Variants in MYOM3 observed in about 807,000 individuals in gnomAD.
The protein encoded by MYOM3 is myomesin 3, also known as myomesin-3.
Under a neutral mutation model 191.7 loss-of-function variants are expected in MYOM3, and 155 were observed. That is an observed-to-expected ratio of 0.81 (90% confidence interval 0.71 to 0.92). MYOM3 has a LOEUF of 0.92. MYOM3 is among the 40% of genes least tolerant of loss of function. The pLI, the probability that MYOM3 is intolerant of heterozygous loss-of-function variation, is 0.00. For synonymous variants in MYOM3, 757 were observed against 762.9 expected (o/e 0.99, Z 0.13); for missense variants, 1,889 against 1,890.6 (o/e 1.00, Z 0.02).
At chr1:24,097,856 A>T in intron 7 of MYOM3, 67 bp downstream of exon 7, 1 of 1,057,090 alleles carries the variant, frequency 9.5e-7, no homozygotes. Flanking sequence ...ACGCAGACCC[A>T]TGTCCTTGTC....
chr1:24,102,532 A>G (rs1267696686), intron 5 of MYOM3, among the ~76,000 whole-genome samples: 1 of 152,206 alleles, frequency 6.6e-6, no homozygotes, highest in Non-Finnish European at 1.5e-5. Context: ...CCATCTTAAA[A>G]AGAAAAAAAG....
chr1:24,067,429 TCCTTCCTTCCTTC>T (rs1269007955), intron 27 of MYOM3, among the ~76,000 whole-genome samples: 157 of 129,178 alleles, frequency 1.2e-3, no homozygotes, highest in Non-Finnish European at 1.7e-3. Flanking sequence ...CTTCCTTCCT[TCCTTCCTTCCTTC>T]CTTTGTTTCC....
At chr1:24,061,841 T>C in intron 33 of MYOM3, 105 bp downstream of exon 33, 2 of 1,294,808 alleles carry the variant, frequency 1.5e-6, no homozygotes, top group Non-Finnish European at 2.2e-6. Context: ...ATCCTCCCAC[T>C]TCAGCCTCCC....
In MYOM3 at chr1:24,093,414, A is replaced by G. The variant is rs1440849510; in HGVS notation, c.929-306T>C. Among the ~76,000 whole-genome samples the G allele has an allele frequency of 2.6e-5, 4 of 152,064 alleles. No homozygotes were observed. In the East Asian group the frequency reaches 7.7e-4, roughly 29 times the overall value. ...GGAGTTGTAGGTTCTCTGAGGGAGTAGGAGCAAGAGAGATGGGTCCCTGTA... is the reference window on the plus strand; with the variant it reads ...GGAGTTGTAGGTTCTCTGAGGGAGTGGGAGCAAGAGAGATGGGTCCCTGTA... On this transcript the variant is annotated intron_variant, in intron 9 of 36. Coordinates refer to ENST00000374434, the MANE Select transcript of MYOM3 (RefSeq NM_152372.4).
rs1208842289 is a variant in MYOM3, at chr1:24,108,819, A to G, written c.-18-165T>C. 2.0e-5 allele frequency among the ~76,000 whole-genome samples: 3 copies of G among 152,310 alleles called. No homozygotes were observed. The East Asian group carries it at 5.8e-4, about 29-fold the overall frequency. On this transcript the variant is annotated intron_variant, in intron 1 of 36. Transcript: ENST00000374434. The stretch of plus-strand genomic sequence containing the variant: ...GTCTGAGAGGGAGAGGGACCTGCCC[A>G]AGGTGACAGAGGCAGGCCTTGGGCT...
chr1:24,058,864 G>A, intron 36 of MYOM3, 60 bp downstream of exon 36: 3 of 1,230,530 alleles, frequency 2.4e-6, no homozygotes, highest in Non-Finnish European at 3.6e-6. Context: ...GTGATCTGTG[G>A]TGGATGCACG....
rs376714731 is a variant in MYOM3, at chr1:24,082,690, C to G, written c.1995G>C (p.Thr665=). The G allele has an allele frequency of 8.1e-6, 13 of 1,611,038 alleles. No homozygotes were observed. The East Asian group carries it at 9.0e-5, about 11-fold the overall frequency. The stretch of plus-strand genomic sequence containing the variant: ...TGACACAAAACTCGTACTCCTTCCC[C>G]GTCCTCAGCCCGGGAACTGTAAACC... The part of the protein sequence containing the change: ...GTRFTVPGLR[T]GKEYEFCVRS... Residue 665 remains threonine, a synonymous_variant, in exon 17 of 37, where the codon ACG becomes ACC. Coordinates refer to ENST00000374434, the MANE Select transcript of MYOM3 (RefSeq NM_152372.4).
rs768854906 is a variant in MYOM3, at chr1:24,099,787, T to C, written c.561-12A>G. ...TGTCATTTTTGTACCTGTGGGGACA[T>C]AGCGGTCTGTGGCAGGCAGGGTGGT... On this transcript the variant is annotated splice_polypyrimidine_tract_variant and intron_variant, in intron 5 of 36. Transcript: ENST00000374434. 29 of 1,608,704 alleles carry C rather than the reference T, an allele frequency of 1.8e-5. No homozygotes were observed. Among genetic ancestry groups the C allele is most frequent in the Non-Finnish European group, 2.3e-5 (27 of 1,175,242 alleles).
intron 35 of MYOM3, among the ~76,000 whole-genome samples, chr1:24,060,489 G>A (rs575522065): frequency 1.6e-4 from 25 of 152,164 alleles, no homozygotes; most frequent in South Asian, 1.0e-3. Flanking sequence ...CTGCCTGCCC[G>A]GGTCTTTCCC....
chr1:24,057,134 C>T lies in MYOM3; in HGVS notation c.*230G>A, dbSNP rs1395856164. ...CCCCAGTGCATCCGGGTCTCCTACTCCAGGTCCAGGGTTCATCCCGCTCTC... is the reference window on the plus strand; with the variant it reads ...CCCCAGTGCATCCGGGTCTCCTACTTCAGGTCCAGGGTTCATCCCGCTCTC... On this transcript the variant is annotated 3_prime_UTR_variant, in exon 37 of 37. Coordinates refer to ENST00000374434, the MANE Select transcript of MYOM3 (RefSeq NM_152372.4). 1.8e-6 allele frequency: 1 copy of T among 562,622 alleles called. No individual in the cohort carries two copies. The highest frequency in any genetic ancestry group is 1.9e-5 in the African/African-American group (1 of 53,238). The allele number at this position is 562,622 out of a possible 1,614,324, so 34.9% of individuals were successfully genotyped here.
At chr1:24,090,160 G>A in intron 12 of MYOM3, 42 bp from the exon 13 acceptor site, 1 of 1,520,182 alleles carries the variant, frequency 6.6e-7, no homozygotes, top group Non-Finnish European at 9.1e-7. Context: ...GGGTGGCACA[G>A]GAGGAGTTAG....
chr1:24,089,560 G>A lies in MYOM3; in HGVS notation c.1592C>T (p.Pro531Leu), dbSNP rs765635753. Residue 531 changes from proline to leucine, a missense_variant, in exon 14 of 37, where the codon CCA becomes CTA. Transcript: ENST00000374434. ...TACCTTCTCCAGGGAGTACGTCAGT[G>A]GTGCTCTGTCCCGGGGGCTGGGCTC... is the stretch of plus-strand genomic sequence containing the variant. Reference protein sequence around the residue: ...WEEPSPRDRAPLTYSLEKSVI... With the variant: ...WEEPSPRDRALLTYSLEKSVI... The A allele has an allele frequency of 6.2e-7, 1 of 1,602,142 alleles. No individual in the cohort carries two copies. The highest frequency in any genetic ancestry group is 2.3e-5 in the East Asian group (1 of 44,312).
rs368204123 is a variant in MYOM3, at chr1:24,068,004, T to C, written c.3321A>G (p.Ala1107=). Residue 1107 remains alanine, a synonymous_variant, in exon 27 of 37, where the codon GCA becomes GCG. Transcript: ENST00000374434. The stretch of plus-strand genomic sequence containing the variant: ...TCTTCCAGTCCCTTCTCTTAGCATC[T>C]GCCTTCCTCAGAAGCTTGTCAAAAT... The part of the protein sequence containing the change: ...DDDFDKLLRK[A]DAKRRDWKRK... 12 of 1,614,080 alleles carry C rather than the reference T, an allele frequency of 7.4e-6. No homozygotes were observed. In the African/African-American group the frequency reaches 1.6e-4, roughly 22 times the overall value.
At chr1:24,069,438 G>C (rs11249093) in intron 25 of MYOM3, among the ~76,000 whole-genome samples, 47,644 of 152,100 alleles carry the variant, frequency 0.31, 9,496 homozygotes, top group East Asian at 0.43. Context: ...GGCACAGACA[G>C]GTGAAGAGAC....
At chr1:24,060,220 G>A (rs952111162) in intron 35 of MYOM3, among the ~76,000 whole-genome samples, 1 of 152,120 alleles carries the variant, frequency 6.6e-6, no homozygotes, top group Non-Finnish European at 1.5e-5. Context: ...CTTGGGCTGT[G>A]CTCCCTCCAC....
rs1570845309 is a variant in MYOM3, at chr1:24,057,454, G to A, written c.4224C>T (p.Phe1408=). The A allele has an allele frequency of 6.2e-7, 1 of 1,614,186 alleles. No homozygotes were observed. Among genetic ancestry groups the A allele is most frequent in the East Asian group, 2.2e-5 (1 of 44,878 alleles). Residue 1408 remains phenylalanine (F), a synonymous_variant, in exon 37 of 37, where the codon TTC becomes TTT. Coordinates refer to ENST00000374434, the MANE Select transcript of MYOM3 (RefSeq NM_152372.4). ...NSEDSGRYGV[F]VKNKYGSETG... Reference sequence around the variant, plus strand: ...TCTCGGAGCCATACTTGTTCTTGACGAAGACGCCGTAGCGGCCGCTGTCTT... The same window carrying A: ...TCTCGGAGCCATACTTGTTCTTGACAAAGACGCCGTAGCGGCCGCTGTCTT...
At chr1:24,083,996 G>T in intron 16 of MYOM3, 1 of 172,664 alleles carries the variant, frequency 5.8e-6, no homozygotes, top group Admixed American at 5.4e-5. Context: ...TAAATATTGT[G>T]AAATGCTGGG....
At chr1:24,076,096 A>C (rs1643595321) in intron 21 of MYOM3, 63 bp downstream of exon 21, 1 of 1,347,630 alleles carries the variant, frequency 7.4e-7, no homozygotes, top group African/African-American at 1.4e-5. Flanking sequence ...CTTCCCTTGA[A>C]CTCCACCCGT....
Position 24,108,026 on chromosome 1 carries a change from G to T in MYOM3, c.209C>A (p.Ala70Asp). ...FSAADYALAA[A>D]LALTASSELS... ...CTCGGAGGAGGCCGTCAGAGCCAGG[G>T]CTGCTGCCAGGGCGTAGTCCGCGGC... Residue 70 changes from alanine (A) to aspartate (D), a missense_variant, in exon 3 of 37, where the codon GCC becomes GAC. Ala to Asp is a moderately radical substitution (Grantham distance 126, BLOSUM62 -2). Transcript: ENST00000374434. 2 of 1,613,750 alleles carry T rather than the reference G, an allele frequency of 1.2e-6. No individual in the cohort carries two copies. The highest frequency in any genetic ancestry group is 1.7e-6 in the Non-Finnish European group (2 of 1,179,872).
Sources: gnomAD v4.1 joint callset for allele counts (sites outside exome capture counted in the v4.1 genomes callset) on GRCh38, gnomAD v4.1.1 for gene constraint, MANE v1.5 for transcripts, NCBI Gene and HGNC (gene_info 2026-07-23, HGNC 2026-07-21) for gene names.